The following KCNK2 variants were observed in gnomAD, a reference collection of about 807,000 sequenced individuals.
KCNK2 encodes potassium channel subfamily K member 2.
Under a neutral mutation model 40.5 loss-of-function variants are expected in KCNK2, and 21 were observed. That is an observed-to-expected ratio of 0.52 (90% CI 0.37 to 0.75). The LOEUF (loss-of-function observed/expected upper bound fraction) is 0.75. Among genes scored for constraint, KCNK2 ranks in the 30% least tolerant of loss-of-function variants. KCNK2 has a pLI of 0.00. For synonymous variants in KCNK2, 191 were observed against 202.2 expected, an observed-to-expected ratio of 0.94 and a Z score of 0.47; for missense variants, 399 against 531.6, an observed-to-expected ratio of 0.75 and a Z score of 2.45.
intron 2 of KCNK2, among the ~76,000 whole-genome samples, chr1:215,093,080 T>C (rs565410214): frequency 6.6e-6 from 1 of 152,166 alleles, no homozygotes; most frequent in South Asian, 2.1e-4. Flanking sequence ...CATCATTATA[T>C]AGAAGCTATT....
chr1:215,216,885 A>G (rs929804994), intron 6 of KCNK2, among the ~76,000 whole-genome samples: 2 of 152,190 alleles, frequency 1.3e-5, no homozygotes, highest in African/African-American at 4.8e-5. Flanking sequence ...CAGCACAGCT[A>G]TAGACTAAGA....
At position 215,091,066 on chromosome 1, in the gene KCNK2, T is replaced by C. The variant is rs202243340; in HGVS notation, c.357+4388T>C. Among the ~76,000 whole-genome samples the C allele has an allele frequency of 5.3e-5, 8 of 152,212 alleles. No individual in the cohort carries two copies. The East Asian group carries it at 1.5e-3, about 29-fold the overall frequency. On this transcript the variant is annotated intron_variant, in intron 2 of 6. Coordinates refer to ENST00000444842, the MANE Select transcript of KCNK2 (RefSeq NM_001017425.3). ...AGCTATTAACATAGGTACAATAGCA[T>C]TACCGTAGAAATACTTACAGACTTG...
At chr1:215,219,638 G>T (rs1414082750) in intron 6 of KCNK2, among the ~76,000 whole-genome samples, 1 of 152,064 alleles carries the variant, frequency 6.6e-6, no homozygotes, top group Non-Finnish European at 1.5e-5. Context: ...TTTTCCATTG[G>T]AAATCTCCTC....
intron 3 of KCNK2, among the ~76,000 whole-genome samples, chr1:215,150,234 G>A (rs1267320494): frequency 1.3e-5 from 2 of 152,182 alleles, no homozygotes; most frequent in Non-Finnish European, 2.9e-5. Flanking sequence ...GGGCATGGGA[G>A]AATGTGCATT....
Position 215,112,441 on chromosome 1 carries a change from G to A in KCNK2, c.358-12192G>A, listed in dbSNP as rs1660737123. Among the ~76,000 whole-genome samples, 5 of 151,942 alleles carry A rather than the reference G, an allele frequency of 3.3e-5. No homozygotes were observed. In the South Asian group the frequency reaches 1.0e-3, roughly 32 times the overall value. ...ACAATGTGTTTTTGTTTTAAGCTTA[G>A]TGCTAGTACAAAAGTCAAAAAATTA... On this transcript the variant is annotated intron_variant, in intron 2 of 6. Coordinates refer to ENST00000444842, the MANE Select transcript of KCNK2 (RefSeq NM_001017425.3).
intron 1 of KCNK2, among the ~76,000 whole-genome samples, chr1:215,022,852 G>A (rs1656855337): frequency 6.6e-6 from 1 of 152,140 alleles, no homozygotes; most frequent in Non-Finnish European, 1.5e-5. Flanking sequence ...CAACTTTAAT[G>A]TTTATGCAAG....
intron 5 of KCNK2, among the ~76,000 whole-genome samples, chr1:215,186,356 T>A (rs921160831): frequency 2.6e-5 from 4 of 152,046 alleles, no homozygotes; most frequent in African/African-American, 4.8e-5. Context: ...AAGGTGCCAC[T>A]GCACTCCATC....
At chr1:215,136,034 A>G (rs897837894) in intron 3 of KCNK2, among the ~76,000 whole-genome samples, 2 of 148,706 alleles carry the variant, frequency 1.3e-5, no homozygotes, top group African/African-American at 5.0e-5. Flanking sequence ...TGCCTGGCCT[A>G]CCAACCAGTT....
intron 6 of KCNK2, among the ~76,000 whole-genome samples, chr1:215,230,121 A>ACACACG (rs1445654404): frequency 1.8e-5 from 2 of 111,082 alleles, no homozygotes; most frequent in Admixed American, 1.0e-4. Flanking sequence ...ACACACACAC[A>ACACACG]CACACACACG....
chr1:215,112,441 G>C (rs1660737123), intron 2 of KCNK2, among the ~76,000 whole-genome samples: 1 of 151,942 alleles, frequency 6.6e-6, no homozygotes, highest in Non-Finnish European at 1.5e-5. Flanking sequence ...TTTAAGCTTA[G>C]TGCTAGTACA....
In KCNK2 at chr1:215,050,757, T is replaced by G. The variant is rs533365126; in HGVS notation, c.35-35611T>G. Among the ~76,000 whole-genome samples, 7 of 152,326 alleles carry G rather than the reference T, an allele frequency of 4.6e-5. No individual in the cohort carries two copies. The South Asian group carries it at 1.4e-3, about 32-fold the overall frequency. On this transcript the variant is annotated intron_variant, in intron 1 of 6. Coordinates refer to the KCNK2 transcript ENST00000391895. ...ACTCTCCCCAGCAAACTGAGATATA[T>G]GATCATCTTACTTAAGGTCATGTTA...
At chr1:215,047,576 A>G (rs1657820296) in intron 1 of KCNK2, among the ~76,000 whole-genome samples, 1 of 152,112 alleles carries the variant, frequency 6.6e-6, no homozygotes, top group Non-Finnish European at 1.5e-5. Context: ...ATGATAGAAT[A>G]TACATCAATC....
At chr1:215,108,274 T>C (rs1317862662) in intron 2 of KCNK2, among the ~76,000 whole-genome samples, 1 of 152,086 alleles carries the variant, frequency 6.6e-6, no homozygotes, top group Non-Finnish European at 1.5e-5. Context: ...ACCCCTGTTA[T>C]AAGTAATCTA....
At chr1:215,127,016 C>CA (rs1157258771) in intron 3 of KCNK2, among the ~76,000 whole-genome samples, 1 of 152,122 alleles carries the variant, frequency 6.6e-6, no homozygotes, top group African/African-American at 2.4e-5. Flanking sequence ...CCATAAAATT[C>CA]AAAGTATAAT....
chr1:215,194,263 A>C (rs1664779128), intron 5 of KCNK2, among the ~76,000 whole-genome samples: 1 of 152,190 alleles, frequency 6.6e-6, no homozygotes, highest in Admixed American at 6.5e-5. Context: ...TTCAAGGATT[A>C]GAGTAAAAAA....
At chr1:215,172,491 C>T (rs1558124274) in intron 5 of KCNK2, among the ~76,000 whole-genome samples, 1 of 152,032 alleles carries the variant, frequency 6.6e-6, no homozygotes, top group East Asian at 1.9e-4. Context: ...CCCATCTCTA[C>T]CTCCTTCAAC....
At chr1:215,111,622 C>T (rs1163885200) in intron 2 of KCNK2, among the ~76,000 whole-genome samples, 1 of 151,936 alleles carries the variant, frequency 6.6e-6, no homozygotes, top group Non-Finnish European at 1.5e-5. Context: ...TATTTTATGT[C>T]TCTTGTTGAC....
chr1:215,216,162 G>C (rs1665948785), intron 6 of KCNK2, among the ~76,000 whole-genome samples: 1 of 151,950 alleles, frequency 6.6e-6, no homozygotes, highest in African/African-American at 2.4e-5. Context: ...TGTTGAAATA[G>C]GATGAGGGAT....
intron 6 of KCNK2, among the ~76,000 whole-genome samples, chr1:215,217,966 G>A: frequency 6.6e-6 from 1 of 152,148 alleles, no homozygotes; most frequent in Non-Finnish European, 1.5e-5. Context: ...GAAACATGAT[G>A]ATAGACATGA....
Sources: gnomAD v4.1 joint callset for allele counts (sites outside exome capture counted in the v4.1 genomes callset) on GRCh38, gnomAD v4.1.1 for gene constraint, MANE v1.5 for transcripts, NCBI Gene and HGNC (gene_info 2026-07-23, HGNC 2026-07-21) for gene names.